The following RNF180 variants were observed in gnomAD, a reference collection of about 807,000 sequenced individuals.
The protein encoded by RNF180 is ring finger protein 180, also known as E3 ubiquitin-protein ligase RNF180.
In RNF180, 38 loss-of-function variants were observed where a neutral mutation model predicts 59.2. The observed-to-expected ratio is 0.64, with a 90% CI of 0.50 to 0.84. The LOEUF (loss-of-function observed/expected upper bound fraction) is 0.84. RNF180 is among the 40% of genes least tolerant of loss of function. RNF180 has a pLI of 0.00. For synonymous variants in RNF180, 262 were observed against 240.3 expected (o/e 1.09, Z -0.84); for missense variants, 705 against 700.9 (o/e 1.01, Z -0.07).
rs202130742 is a variant in RNF180, at chr5:64,234,168, CGAATT to C, written c.1227+16773_1227+16777del. 5.6e-4 allele frequency among the ~76,000 whole-genome samples: 85 copies of C among 152,134 alleles called. No individual in the cohort carries two copies. In the East Asian group the frequency reaches 0.013, roughly 24 times the overall value. The stretch of plus-strand genomic sequence containing the variant: ...ATCTCATTTTTTTTCCTGTTAAAAA[CGAATT>C]AAAGTTTACTAACCAAGCACAGTGG... On this transcript the variant is annotated intron_variant, in intron 5 of 7. Coordinates refer to ENST00000389100, the MANE Select transcript of RNF180 (RefSeq NM_001113561.2).
At chr5:64,252,661 C>G (rs1405032056) in intron 5 of RNF180, among the ~76,000 whole-genome samples, 1 of 152,078 alleles carries the variant, frequency 6.6e-6, no homozygotes, top group African/African-American at 2.4e-5. Flanking sequence ...GGCATGAGGA[C>G]AGCTGCCCAG....
At chr5:64,270,255 C>T (rs1741316022) in intron 5 of RNF180, among the ~76,000 whole-genome samples, 1 of 152,124 alleles carries the variant, frequency 6.6e-6, no homozygotes. Context: ...TGGTAGGCTT[C>T]ACTGTTACCA....
intron 1 of RNF180, among the ~76,000 whole-genome samples, chr5:64,180,684 G>C (rs1750523907): frequency 6.6e-6 from 1 of 152,104 alleles, no homozygotes; most frequent in Admixed American, 6.5e-5. Context: ...TAAACAACCT[G>C]ATAGATACAA....
At chr5:64,280,842 A>G (rs945635847) in intron 5 of RNF180, among the ~76,000 whole-genome samples, 1 of 152,120 alleles carries the variant, frequency 6.6e-6, no homozygotes, top group Non-Finnish European at 1.5e-5. Context: ...GGAAAATGTC[A>G]TTGGTAGTTT....
intron 5 of RNF180, among the ~76,000 whole-genome samples, chr5:64,258,209 T>C (rs1459297569): frequency 6.6e-6 from 1 of 152,168 alleles, no homozygotes; most frequent in African/African-American, 2.4e-5. Flanking sequence ...GGGACACTTA[T>C]GACTGGATAT....
chr5:64,270,957 C>T lies in RNF180; in HGVS notation c.1227+53561C>T, dbSNP rs111360248. Among the ~76,000 whole-genome samples, 749 of 152,122 alleles carry T rather than the reference C, an allele frequency of 4.9e-3. 10 individuals carry two copies. Among genetic ancestry groups the T allele is most frequent in the African/African-American group, 0.017 (702 of 41,534 alleles). ...ATATCAGCTTATAATCATATAAATA[C>T]TTGAAATTGACTTCTTTAAATGTAA... On this transcript the variant is annotated intron_variant, in intron 5 of 7. Transcript: ENST00000389100.
chr5:64,356,644 A>G (rs935127507), intron 7 of RNF180, among the ~76,000 whole-genome samples: 7 of 151,930 alleles, frequency 4.6e-5, no homozygotes, highest in Non-Finnish European at 1.0e-4. Context: ...GTATATACAT[A>G]CAATAGGTAA....
chr5:64,261,941 A>G (rs1236409852), intron 5 of RNF180, among the ~76,000 whole-genome samples: 1 of 152,180 alleles, frequency 6.6e-6, no homozygotes. Context: ...GGGAAGCTTT[A>G]GGAGTTAATA....
Position 64,372,735 on chromosome 5 carries a change from T to C in RNF180, c.*2921T>C, listed in dbSNP as rs1279390806. On this transcript the variant is annotated 3_prime_UTR_variant, in exon 8 of 8. Coordinates refer to ENST00000389100, the MANE Select transcript of RNF180 (RefSeq NM_001113561.2). The stretch of plus-strand genomic sequence containing the variant: ...GAAAACACTGTCATTTAGGAAAGTG[T>C]TCCTAAAGGTTTGAATGCTTTAACA... The C allele has an allele frequency of 6.6e-6, 1 of 151,878 alleles. No homozygotes were observed. Among genetic ancestry groups the C allele is most frequent in the Non-Finnish European group, 1.5e-5 (1 of 67,894 alleles). The allele number at this position is 151,878 out of a possible 1,614,324, so 9.4% of individuals were successfully genotyped here. A position where few individuals can be genotyped will look rare whatever the true frequency, so the allele number is the denominator to read the frequency against.
intron 7 of RNF180, among the ~76,000 whole-genome samples, chr5:64,341,345 G>A (rs1480157340): frequency 1.3e-5 from 2 of 152,114 alleles, no homozygotes; most frequent in African/African-American, 4.8e-5. Flanking sequence ...ACTGATACTG[G>A]ATTTTTTTAT....
At chr5:64,314,830 C>CT (rs2112490665) in intron 5 of RNF180, among the ~76,000 whole-genome samples, 1 of 152,188 alleles carries the variant, frequency 6.6e-6, no homozygotes, top group East Asian at 1.9e-4. Context: ...TGAAGAAAAT[C>CT]TAGCTAGACA....
rs557225798 is a variant in RNF180, at chr5:64,239,096, T to C, written c.1227+21700T>C. On this transcript the variant is annotated intron_variant, in intron 5 of 7. Coordinates refer to ENST00000389100, the MANE Select transcript of RNF180 (RefSeq NM_001113561.2). ...TATCATTTCTTCTTCTAGTTAAATA[T>C]AATTTTTAAGGAAAGTATTTGAGTA... Among the ~76,000 whole-genome samples the C allele has an allele frequency of 5.9e-5, 9 of 152,310 alleles. No individual in the cohort carries two copies. The South Asian group carries it at 1.4e-3, about 25-fold the overall frequency.
chr5:64,181,256 A>T (rs1022286180), intron 1 of RNF180, among the ~76,000 whole-genome samples: 9 of 152,174 alleles, frequency 5.9e-5, no homozygotes, highest in African/African-American at 1.9e-4. Flanking sequence ...CTTTGGTAAC[A>T]CCCTCACAGA....
chr5:64,181,986 CTTTTTTT>C (rs1190089130), intron 1 of RNF180, among the ~76,000 whole-genome samples: 1 of 94,620 alleles, frequency 1.1e-5, no homozygotes, highest in East Asian at 3.0e-4. Flanking sequence ...CTGCTACTGT[CTTTTTTT>C]TTTTTTTTTT....
intron 7 of RNF180, among the ~76,000 whole-genome samples, chr5:64,335,938 A>G (rs1448222464): frequency 6.6e-6 from 1 of 152,086 alleles, no homozygotes; most frequent in Non-Finnish European, 1.5e-5. Context: ...ATGTCCTATA[A>G]TAAAGTTTTA....
chr5:64,212,685 T>G (rs752391298), intron 3 of RNF180, among the ~76,000 whole-genome samples: 2 of 152,148 alleles, frequency 1.3e-5, no homozygotes, highest in Non-Finnish European at 2.9e-5. Flanking sequence ...ATTGGTATAA[T>G]CAAAATGAAA....
chr5:64,330,160 T>C (rs1740273337), intron 6 of RNF180, 121 bp from the exon 7 acceptor site: 1 of 698,814 alleles, frequency 1.4e-6, no homozygotes, highest in Admixed American at 3.3e-5. Context: ...TTGTCTTCAC[T>C]GACTTAAAGA....
intron 5 of RNF180, among the ~76,000 whole-genome samples, chr5:64,256,018 A>G (rs1743926336): frequency 6.6e-6 from 1 of 152,130 alleles, no homozygotes; most frequent in African/African-American, 2.4e-5. Flanking sequence ...GTGTCTGTTC[A>G]TATCCTTCGC....
Position 64,237,186 on chromosome 5 carries a change from C to A in RNF180, c.1227+19790C>A, listed in dbSNP as rs112311863. 2.6e-5 allele frequency among the ~76,000 whole-genome samples: 4 copies of A among 152,322 alleles called. 1 individual carries two copies. Among genetic ancestry groups the A allele is most frequent in the African/African-American group, 9.6e-5 (4 of 41,582 alleles). On this transcript the variant is annotated intron_variant, in intron 5 of 7. Transcript: ENST00000389100. ...CAGCGCCAGTGTGTGAAAACAGACACAGGGGCTGTACCCATTAGATCCACA... is the reference window on the plus strand; with the variant it reads ...CAGCGCCAGTGTGTGAAAACAGACAAAGGGGCTGTACCCATTAGATCCACA...
Sources: allele counts gnomAD v4.1 joint callset (sites outside exome capture counted in the v4.1 genomes callset), GRCh38; gene constraint gnomAD v4.1.1; transcripts MANE v1.5; gene names NCBI Gene and HGNC (gene_info 2026-07-23, HGNC 2026-07-21).